GSE1: variants seen among roughly 807,000 people sequenced by gnomAD.
GSE1 encodes Gse1 coiled-coil protein, also known as genetic suppressor element 1.
In GSE1, 32 loss-of-function variants were observed where a neutral mutation model predicts 112.6. The observed-to-expected ratio is 0.28, with a 90% CI of 0.21 to 0.38. The LOEUF (loss-of-function observed/expected upper bound fraction) is 0.38, where lower values mean the gene tolerates loss of function less well. GSE1 is among the 10% of genes least tolerant of loss of function. The pLI is 1.00. For missense variants in GSE1, 2,348 were observed against 1,699.2 expected, an observed-to-expected ratio of 1.38 and a Z score of -6.71; for synonymous variants, 1,115 against 735.6, an observed-to-expected ratio of 1.52 and a Z score of -8.35.
intron 1 of GSE1, among the ~76,000 whole-genome samples, chr16:85,320,971 C>G (rs1424420106): frequency 6.6e-6 from 1 of 152,178 alleles, no homozygotes; most frequent in Admixed American, 6.5e-5. Context: ...AATCACACTC[C>G]CGTCACTCCA....
chr16:85,502,763 G>A (rs2051413021), intron 2 of GSE1, among the ~76,000 whole-genome samples: 1 of 152,216 alleles, frequency 6.6e-6, no homozygotes, highest in African/African-American at 2.4e-5. Context: ...CGTGGAGCCG[G>A]GAAGGACTGC....
chr16:85,669,750 T>C (rs747969614), intron 14 of GSE1, among the ~76,000 whole-genome samples: 3 of 152,254 alleles, frequency 2.0e-5, no homozygotes, highest in Non-Finnish European at 4.4e-5. Flanking sequence ...TTTCCTGTTC[T>C]GCGTAGGATT....
intron 3 of GSE1, among the ~76,000 whole-genome samples, chr16:85,651,995 G>T (rs553729655): frequency 1.3e-5 from 2 of 152,250 alleles, no homozygotes; most frequent in Admixed American, 6.5e-5. Flanking sequence ...TGCCAGGCAG[G>T]GTAGGGGCGT....
intron 2 of GSE1, among the ~76,000 whole-genome samples, chr16:85,545,340 C>T (rs1253482324): frequency 6.6e-6 from 1 of 152,212 alleles, no homozygotes; most frequent in Non-Finnish European, 1.5e-5. Context: ...CAGCTTGCTC[C>T]AGGGGCAGCC....
At chr16:85,257,698 C>G (rs1907233640) in intron 1 of GSE1, among the ~76,000 whole-genome samples, 1 of 152,208 alleles carries the variant, frequency 6.6e-6, no homozygotes, top group South Asian at 2.1e-4. Context: ...GTGGTCCCAG[C>G]TACTGGTGAG....
chr16:85,571,571 C>T (rs939740190), intron 1 of GSE1, among the ~76,000 whole-genome samples: 2 of 152,204 alleles, frequency 1.3e-5, no homozygotes, highest in Non-Finnish European at 2.9e-5. Flanking sequence ...GGAGCGTCAC[C>T]GGGTCTTCTC....
intron 1 of GSE1, among the ~76,000 whole-genome samples, chr16:85,347,364 C>T (rs1019681936): frequency 6.6e-6 from 1 of 152,164 alleles, no homozygotes; most frequent in East Asian, 1.9e-4. Flanking sequence ...TGGCCTCTCA[C>T]CCTGGCCCGG....
rs940342750 is a variant in GSE1 at position 85,665,462 on chromosome 16, C to T, written c.2758+334C>T. Reference sequence around the variant, plus strand: ...AATGGTACCATCCCAGGAGGGAGGGCGTGCTCCAGCCTTAGTGCCCGCAGC... The same window carrying T: ...AATGGTACCATCCCAGGAGGGAGGGTGTGCTCCAGCCTTAGTGCCCGCAGC... On this transcript the variant is annotated intron_variant, in intron 12 of 15. Transcript: ENST00000253458. Among the ~76,000 whole-genome samples the T allele has an allele frequency of 2.0e-5, 3 of 152,300 alleles. No individual in the cohort carries two copies. In the South Asian group the frequency reaches 6.2e-4, roughly 32 times the overall value.
chr16:85,590,347 G>A (rs111172016), intron 1 of GSE1, among the ~76,000 whole-genome samples: 6,599 of 150,628 alleles, frequency 0.044, 448 homozygotes, highest in African/African-American at 0.15. Flanking sequence ...ATTAACGCGT[G>A]GGCCTGCTTG....
intron 1 of GSE1, among the ~76,000 whole-genome samples, chr16:85,331,493 G>A (rs912891699): frequency 1.3e-3 from 152 of 112,862 alleles, no homozygotes; most frequent in African/African-American, 3.2e-3. Flanking sequence ...GTATATATGT[G>A]TATATGTGTA....
chr16:85,530,362 A>G (rs10779251), intron 2 of GSE1, among the ~76,000 whole-genome samples: 69,452 of 152,084 alleles, frequency 0.46, 16,819 homozygotes, highest in East Asian at 0.75. Context: ...CGGTGATGCA[A>G]TCTTATCAGA....
chr16:85,265,548 C>G lies in GSE1; in HGVS notation c.2284-91915C>G, dbSNP rs559786640. Among the ~76,000 whole-genome samples the G allele has an allele frequency of 2.6e-5, 4 of 152,266 alleles. No individual in the cohort carries two copies. The East Asian group carries it at 5.8e-4, about 22-fold the overall frequency. On this transcript the variant is annotated intron_variant, in intron 1 of 2. Transcript: ENST00000637419. ...ATAACTGGGCAGACCCCTCCTTTGT[C>G]CCCTGGTCAAACTCCTCATCTCGGG...
intron 15 of GSE1, chr16:85,671,901 T>TGG (rs1419462846): frequency 6.2e-6 from 1 of 161,318 alleles, no homozygotes; most frequent in African/African-American, 2.4e-5. Context: ...TTTTTACATC[T>TGG]GGGGGTTCCA....
intron 1 of GSE1, among the ~76,000 whole-genome samples, chr16:85,205,490 A>C (rs886521457): frequency 3.3e-5 from 5 of 152,230 alleles, no homozygotes; most frequent in African/African-American, 4.8e-5. Context: ...CACTGGCCTG[A>C]GGCGACCCAG....
At position 85,672,817 on chromosome 16, in the gene GSE1, C is replaced by T; in HGVS notation, c.*278C>T. ...TCGCCCTTCCTCTCCCACATTATTTCTTAATCTGAACATGAAGGCTCCATT... is the reference window on the plus strand; with the variant it reads ...TCGCCCTTCCTCTCCCACATTATTTTTTAATCTGAACATGAAGGCTCCATT... On this transcript the variant is annotated 3_prime_UTR_variant, in exon 16 of 16. Coordinates refer to ENST00000253458, the MANE Select transcript of GSE1 (RefSeq NM_014615.5). 6.5e-6 allele frequency: 1 copy of T among 152,932 alleles called. No individual in the cohort carries two copies. Among genetic ancestry groups the T allele is most frequent in the Admixed American group, 7.8e-5 (1 of 12,850 alleles). The allele number at this position is 152,932 out of a possible 1,614,324, so 9.5% of individuals were successfully genotyped here. A position where few individuals can be genotyped will look rare whatever the true frequency, so the allele number is the denominator to read the frequency against.
chr16:85,608,515 G>A (rs1182265967), upstream of GSE1, among the ~76,000 whole-genome samples: 4 of 151,646 alleles, frequency 2.6e-5, no homozygotes, highest in African/African-American at 7.3e-5. Context: ...ACCTGAAACC[G>A]CTTGAGACCT....
chr16:85,216,368 C>T (rs2143704121), intron 1 of GSE1, among the ~76,000 whole-genome samples: 1 of 152,306 alleles, frequency 6.6e-6, no homozygotes, highest in Middle Eastern at 3.4e-3. Context: ...CCCGGCACTC[C>T]AGCCTGAATG....
chr16:85,170,093 G>T (rs1484648056), exon 1 of GSE1: 4 of 985,126 alleles, frequency 4.1e-6, no homozygotes, highest in Middle Eastern at 5.2e-4. Context: ...CCGCCCGCGC[G>T]GGACGCCGCC....
chr16:85,176,237 T>C (rs186719005), intron 1 of GSE1, among the ~76,000 whole-genome samples: 208 of 152,336 alleles, frequency 1.4e-3, no homozygotes, highest in African/African-American at 4.9e-3. Context: ...CCTCCCCAAA[T>C]CCTGCCTTTC....
Sources: allele counts gnomAD v4.1 joint callset (sites outside exome capture counted in the v4.1 genomes callset), GRCh38; gene constraint gnomAD v4.1.1; transcripts MANE v1.5; gene names NCBI Gene and HGNC (gene_info 2026-07-23, HGNC 2026-07-21).